Variants in HDX observed in about 807,000 individuals in gnomAD.
HDX encodes the protein highly divergent homeobox, also known as chromosome X open reading frame 43.
Under a neutral mutation model 45.2 loss-of-function variants are expected in HDX, and 19 were observed. That is an observed-to-expected ratio of 0.42 (90% CI 0.29 to 0.62). The LOEUF is 0.62. Among genes scored for constraint, HDX ranks in the 20% least tolerant of loss-of-function variants. The pLI, the probability that HDX is intolerant of heterozygous loss-of-function variation, is 0.20. For synonymous variants in HDX, 188 were observed against 172.8 expected, an observed-to-expected ratio of 1.09 and a Z score of -0.69; for missense variants, 532 against 493.9, an observed-to-expected ratio of 1.08 and a Z score of -0.73.
chrX:84,442,905 CAACA>C (rs1370816459), intron 4 of HDX, among the ~76,000 whole-genome samples: 1 of 111,173 alleles, frequency 9.0e-6, no homozygotes, highest in Non-Finnish European at 1.9e-5. Flanking sequence ...AAAGATGATA[CAACA>C]AACATTGTAA....
Position 84,433,567 on chromosome X carries a change from C to G in HDX, c.1305+6965G>C, listed in dbSNP as rs897211721. Among the ~76,000 whole-genome samples the G allele has an allele frequency of 5.4e-5, 6 of 111,437 alleles. No individual in the cohort carries two copies. In the Admixed American group the frequency reaches 5.7e-4, roughly 11 times the overall value. ...TATGTGTTCGTTTTTATATCAAAACCATACTTTTGTGGTGACTACAGCTTT... is the reference window on the plus strand; with the variant it reads ...TATGTGTTCGTTTTTATATCAAAACGATACTTTTGTGGTGACTACAGCTTT... On this transcript the variant is annotated intron_variant, in intron 5 of 10. Coordinates refer to ENST00000373177, the MANE Select transcript of HDX (RefSeq NM_001177479.2).
intron 5 of HDX, among the ~76,000 whole-genome samples, chrX:84,378,856 A>G (rs960929931): frequency 9.0e-6 from 1 of 111,339 alleles, no homozygotes; most frequent in Non-Finnish European, 1.9e-5. Flanking sequence ...AAACACATAG[A>G]TGACTGAATG....
intron 5 of HDX, among the ~76,000 whole-genome samples, chrX:84,395,624 G>C (rs1888149640): frequency 9.0e-6 from 1 of 111,276 alleles, no homozygotes; most frequent in South Asian, 3.7e-4. Context: ...TCTTTTGCTA[G>C]ACTTGGAAAG....
chrX:84,373,791 C>A (rs1343955020), intron 5 of HDX, among the ~76,000 whole-genome samples: 1 of 111,488 alleles, frequency 9.0e-6, no homozygotes, highest in African/African-American at 3.3e-5. Context: ...GACAAACCCA[C>A]AGCCAATATC....
chrX:84,462,826 CTCAT>C (rs1414648492), intron 4 of HDX, among the ~76,000 whole-genome samples: 3 of 111,301 alleles, frequency 2.7e-5, no homozygotes, highest in Non-Finnish European at 5.7e-5. Context: ...AAAATCATAA[CTCAT>C]TCATGGATCA....
Position 84,318,540 on chromosome X carries a change from G to A in HDX, c.*3349C>T, listed in dbSNP as rs775161600. On this transcript the variant is annotated 3_prime_UTR_variant, in exon 11 of 11. Coordinates refer to ENST00000373177, the MANE Select transcript of HDX (RefSeq NM_001177479.2). ...GTCTGAGATGAAGAAACTATCCCTT[G>A]GAAATGGGCTGAATCCGATTCCCAC... 2.9e-3 allele frequency: 319 copies of A among 110,797 alleles called. 2 individuals are homozygous for A. Among genetic ancestry groups the A allele is most frequent in the African/African-American group, 0.01 (308 of 30,714 alleles). The allele number at this position is 110,797 out of a possible 1,213,427, so 9.1% of individuals were successfully genotyped here. A position where few individuals can be genotyped will look rare whatever the true frequency, so the allele number is the denominator to read the frequency against.
chrX:84,433,875 G>GT (rs1031991875), intron 5 of HDX, among the ~76,000 whole-genome samples: 6 of 109,408 alleles, frequency 5.5e-5, no homozygotes, highest in East Asian at 5.8e-4. Flanking sequence ...TCAATGTTTT[G>GT]TTTTTTTTAA....
At chrX:84,463,642 C>T (rs2040285355) in intron 4 of HDX, among the ~76,000 whole-genome samples, 1 of 110,733 alleles carries the variant, frequency 9.0e-6, no homozygotes, top group Non-Finnish European at 1.9e-5. Context: ...CAAAGTGCCC[C>T]AATATCTTCA....
intron 5 of HDX, among the ~76,000 whole-genome samples, chrX:84,414,501 C>T (rs1234068091): frequency 8.9e-6 from 1 of 111,885 alleles, no homozygotes; most frequent in African/African-American, 3.3e-5. Context: ...CCAGAGCTAA[C>T]TAAAATAGAT....
intron 6 of HDX, among the ~76,000 whole-genome samples, chrX:84,346,247 GA>G (rs1352963795): frequency 4.5e-5 from 5 of 111,048 alleles, no homozygotes; most frequent in Non-Finnish European, 9.4e-5. Flanking sequence ...ATATATTCGG[GA>G]GGCTGAGGTG....
In HDX at chrX:84,321,767, C is replaced by T. The variant is rs1030109691; in HGVS notation, c.*122G>A. The T allele has an allele frequency of 2.7e-5, 13 of 489,669 alleles. No homozygotes were observed. Among genetic ancestry groups the T allele is most frequent in the South Asian group, 1.7e-4 (3 of 17,873 alleles). 40.4% of individuals were successfully genotyped at this position (489,669 alleles called of 1,213,427 possible). ...TATCTTGTACATTCTTCACAGAATA[C>T]GTCCGTTTCAACAATGTGTTTTCCC... On this transcript the variant is annotated 3_prime_UTR_variant, in exon 11 of 11. Coordinates refer to ENST00000373177, the MANE Select transcript of HDX (RefSeq NM_001177479.2).
intron 1 of HDX, among the ~76,000 whole-genome samples, chrX:84,501,273 C>A (rs1299377232): frequency 3.6e-5 from 4 of 111,324 alleles, no homozygotes; most frequent in Admixed American, 1.9e-4. Context: ...TGAAGGGGTG[C>A]GGGAAAGGGC....
chrX:84,393,095 T>G (rs1428633192), intron 5 of HDX, among the ~76,000 whole-genome samples: 2 of 111,672 alleles, frequency 1.8e-5, no homozygotes, highest in Admixed American at 1.9e-4. Context: ...CATCCTTGTA[T>G]TGTTCCAGTT....
chrX:84,375,573 G>T lies in HDX; in HGVS notation c.1306-13961C>A, dbSNP rs182777308. On this transcript the variant is annotated intron_variant, in intron 5 of 10. Coordinates refer to ENST00000373177, the MANE Select transcript of HDX (RefSeq NM_001177479.2). ...GGAATACTATGCAGCCATGAAACAT[G>T]ATGAGTTCATGTCCTTTGTAGGGAC... Among the ~76,000 whole-genome samples, 6 of 111,992 alleles carry T rather than the reference G, an allele frequency of 5.4e-5. No individual in the cohort carries two copies. In the Admixed American group the frequency reaches 5.7e-4, roughly 11 times the overall value.
intron 5 of HDX, among the ~76,000 whole-genome samples, chrX:84,431,612 A>G (rs2039507280): frequency 9.0e-6 from 1 of 111,401 alleles, no homozygotes; most frequent in South Asian, 3.7e-4. Context: ...GCATTTTCAT[A>G]TGCATTTTAG....
chrX:84,438,768 C>T (rs1383202575), intron 5 of HDX, among the ~76,000 whole-genome samples: 1 of 111,200 alleles, frequency 9.0e-6, no homozygotes, highest in Non-Finnish European at 1.9e-5. Context: ...TGTATATGTA[C>T]CACATATACT....
chrX:84,417,218 G>GAGAAAGAA (rs1556012085), intron 5 of HDX, among the ~76,000 whole-genome samples: 16,169 of 100,066 alleles, frequency 0.16, 1,276 homozygotes, highest in Middle Eastern at 0.3. Context: ...AAAAAAAAGA[G>GAGAAAGAA]AGAAAGAAAG....
chrX:84,491,619 T>C (rs2040895146), intron 1 of HDX, among the ~76,000 whole-genome samples: 1 of 111,920 alleles, frequency 8.9e-6, no homozygotes, highest in Non-Finnish European at 1.9e-5. Flanking sequence ...ATCTTGTTTT[T>C]GGGTACTGTC....
At chrX:84,395,362 T>C (rs2038537068) in intron 5 of HDX, among the ~76,000 whole-genome samples, 1 of 1,502 alleles carries the variant, frequency 6.7e-4, no homozygotes, top group Non-Finnish European at 0.027. Flanking sequence ...ATTGGCAAGT[T>C]TTTTTTTTTT....
Sources: allele counts gnomAD v4.1 joint callset (sites outside exome capture counted in the v4.1 genomes callset), GRCh38; gene constraint gnomAD v4.1.1; transcripts MANE v1.5; gene names NCBI Gene and HGNC (gene_info 2026-07-23, HGNC 2026-07-21).